RBM39: variants seen among roughly 807,000 people sequenced by gnomAD.
The protein encoded by RBM39 is RNA-binding protein 39.
In RBM39, 12 loss-of-function variants were observed where a neutral mutation model predicts 79.6. The ratio of observed to expected loss-of-function variants is 0.15; its 90% CI spans 0.10 to 0.24. The LOEUF (loss-of-function observed/expected upper bound fraction) is 0.24, where lower values mean the gene tolerates loss of function less well. RBM39 is among the 10% of genes least tolerant of loss of function. RBM39 has a pLI of 1.00. For synonymous variants in RBM39, 185 were observed against 208.4 expected (o/e 0.89, Z 0.97); for missense variants, 243 against 653.4 (o/e 0.37, Z 6.85).
At chr20:35,726,548 T>C (rs942119430) in intron 6 of RBM39, among the ~76,000 whole-genome samples, 3 of 152,236 alleles carry the variant, frequency 2.0e-5, no homozygotes, top group African/African-American at 7.2e-5. Context: ...ATCAGTGTAA[T>C]GGATGATTCT....
intron 14 of RBM39, 48 bp from the exon 15 acceptor site, chr20:35,705,378 CTA>C (rs1439652684): frequency 9.8e-7 from 1 of 1,022,128 alleles, no homozygotes; most frequent in East Asian, 2.7e-5. Flanking sequence ...AACTAACAAA[CTA>C]TATATTTACA....
At position 35,716,761 on chromosome 20, in the gene RBM39, G is replaced by A; in HGVS notation, c.870C>T (p.Ser290=). Residue 290 remains serine, a synonymous_variant, in exon 10 of 17, where the codon TCC becomes TCT. Transcript: ENST00000253363. ...TTACTGTAATAAATCCATATCCCTT[G>A]GATCGACCAGTTTCACTGTCCATCA... ...QLMMDSETGR[S]KGYGFITFSD... 1 of 1,597,606 alleles carries A rather than the reference G, an allele frequency of 6.3e-7. No individual in the cohort carries two copies. The highest frequency in any genetic ancestry group is 8.6e-7 in the Non-Finnish European group (1 of 1,168,464).
intron 9 of RBM39, among the ~76,000 whole-genome samples, chr20:35,717,585 C>A (rs996595910): frequency 6.6e-6 from 1 of 152,114 alleles, no homozygotes; most frequent in Non-Finnish European, 1.5e-5. Context: ...AATAACTGCA[C>A]AATTCTGTGA....
chr20:35,718,360 T>C (rs1054729245), intron 9 of RBM39, among the ~76,000 whole-genome samples: 5 of 151,296 alleles, frequency 3.3e-5, no homozygotes, highest in African/African-American at 1.2e-4. Context: ...GGATAAGATA[T>C]TCTAGGAGCA....
intron 14 of RBM39, among the ~76,000 whole-genome samples, chr20:35,706,653 A>G (rs1165864859): frequency 1.3e-5 from 2 of 152,112 alleles, no homozygotes; most frequent in Non-Finnish European, 2.9e-5. Flanking sequence ...TTAGCATCCT[A>G]ATCACTAGCT....
At chr20:35,734,829 G>GC in intron 3 of RBM39, 3 of 1,408,226 alleles carry the variant, frequency 2.1e-6, no homozygotes, top group Non-Finnish European at 2.8e-6. Context: ...GCTTCAAAGA[G>GC]CATTTATTAC....
intron 13 of RBM39, chr20:35,707,854 A>G: frequency 2.2e-6 from 1 of 459,352 alleles, no homozygotes; most frequent in Non-Finnish European, 4.5e-6. Flanking sequence ...TGGGGTTTGA[A>G]GTTTAAAGAG....
chr20:35,739,836 T>C (rs953350539), intron 2 of RBM39: 4 of 180,494 alleles, frequency 2.2e-5, no homozygotes, highest in Non-Finnish European at 4.8e-5. Context: ...AAAACAAATG[T>C]ATTATTTTTA....
chr20:35,734,795 G>A (rs2146711861), intron 3 of RBM39: 3 of 1,367,012 alleles, frequency 2.2e-6, no homozygotes, highest in South Asian at 3.9e-5. Flanking sequence ...AACTACAAGG[G>A]TGCAAGAAAC....
At chr20:35,718,015 C>T (rs1451965031) in intron 9 of RBM39, among the ~76,000 whole-genome samples, 2 of 152,096 alleles carry the variant, frequency 1.3e-5, no homozygotes, top group East Asian at 1.9e-4. Flanking sequence ...CCCACCACCA[C>T]GCCCAGCTAA....
chr20:35,734,452 C>CT (rs1305575723), intron 3 of RBM39: 1 of 245,406 alleles, frequency 4.1e-6, no homozygotes, highest in Non-Finnish European at 8.3e-6. Context: ...CTATAGAACT[C>CT]TGAGATTTCT....
chr20:35,721,719 C>G (rs1276306360), intron 9 of RBM39, 21 bp downstream of exon 9: 2 of 1,610,906 alleles, frequency 1.2e-6, no homozygotes, highest in East Asian at 2.2e-5. Flanking sequence ...ACTGAAGATT[C>G]ATTGAAGAAC....
chr20:35,741,031 T>TTTTTTTTTTTTC, intron 1 of RBM39, 144 bp from the exon 2 acceptor site: 1 of 265,832 alleles, frequency 3.8e-6, no homozygotes. Flanking sequence ...AACATTTTTC[T>TTTTTTTTTTTTC]TTTTTTTTTT....
At chr20:35,738,707 C>A (rs1399832447) in intron 3 of RBM39, among the ~76,000 whole-genome samples, 1 of 152,114 alleles carries the variant, frequency 6.6e-6, no homozygotes, top group African/African-American at 2.4e-5. Flanking sequence ...AACAAGACAA[C>A]CTCTAATACA....
intron 12 of RBM39, 118 bp from the exon 13 acceptor site, chr20:35,709,392 G>A: frequency 1.2e-6 from 1 of 819,936 alleles, no homozygotes; most frequent in Non-Finnish European, 1.9e-6. Flanking sequence ...GTAAAACCTG[G>A]CAGCAAAACC....
At chr20:35,727,869 G>C (rs12480194) in intron 6 of RBM39, among the ~76,000 whole-genome samples, 1 of 151,890 alleles carries the variant, frequency 6.6e-6, no homozygotes, top group African/African-American at 2.4e-5. Context: ...GGCTGGTCTT[G>C]AACTTCTGAC....
Position 35,730,972 on chromosome 20 carries a change from A to G in RBM39, c.296+969T>C, listed in dbSNP as rs2039305460. The stretch of plus-strand genomic sequence containing the variant: ...TAATGCCAAAACATTTCATGAATCC[A>G]TTAAGTCCTCTGAGCACTTTACATT... On this transcript the variant is annotated intron_variant, in intron 4 of 16. Coordinates refer to ENST00000253363, the MANE Select transcript of RBM39 (RefSeq NM_184234.3). Among the ~76,000 whole-genome samples the G allele has an allele frequency of 1.3e-5, 2 of 152,164 alleles. 1 individual carries two copies. The highest frequency in any genetic ancestry group is 4.1e-4 in the South Asian group (2 of 4,834).
intron 3 of RBM39, chr20:35,735,103 A>T (rs751280875): frequency 6.6e-7 from 1 of 1,521,832 alleles, no homozygotes; most frequent in South Asian, 1.3e-5. Context: ...GAAAAAAAAT[A>T]GAAAAGTCAT....
intron 3 of RBM39, chr20:35,736,398 T>A (rs923647022): frequency 5.7e-5 from 17 of 296,992 alleles, no homozygotes; most frequent in African/African-American, 2.2e-4. Context: ...ATATCATTTT[T>A]AATCCATTAC....
Sources: gnomAD v4.1 joint callset for allele counts (sites outside exome capture counted in the v4.1 genomes callset) on GRCh38, gnomAD v4.1.1 for gene constraint, MANE v1.5 for transcripts, NCBI Gene and HGNC (gene_info 2026-07-23, HGNC 2026-07-21) for gene names.